REEP3: variants seen among roughly 807,000 people sequenced by gnomAD.
REEP3 encodes receptor accessory protein 3.
REEP3 carries 20 observed loss-of-function variants against 41.3 expected under a neutral mutation model. That is an observed-to-expected ratio of 0.48 (90% CI 0.34 to 0.70). The LOEUF is 0.70. REEP3 is among the 30% of genes least tolerant of loss of function. The probability of loss-of-function intolerance (pLI) is 0.01; values close to 1 mark genes in which losing one functional copy is unlikely to be tolerated. For missense variants in REEP3, 271 were observed against 308.8 expected, an observed-to-expected ratio of 0.88 and a Z score of 0.92; for synonymous variants, 104 against 101.8, an observed-to-expected ratio of 1.02 and a Z score of -0.13.
intron 1 of REEP3, among the ~76,000 whole-genome samples, chr10:63,541,767 A>G (rs913841640): frequency 3.3e-5 from 5 of 152,226 alleles, no homozygotes; most frequent in Admixed American, 6.5e-5. Context: ...GATAATAAAG[A>G]TATCTCAACA....
At chr10:63,557,203 C>T (rs939277932) in intron 1 of REEP3, among the ~76,000 whole-genome samples, 5 of 152,280 alleles carry the variant, frequency 3.3e-5, no homozygotes, top group Admixed American at 6.5e-5. Flanking sequence ...CTAGTTCAAG[C>T]TCGCAGCGTG....
chr10:63,575,907 A>G (rs1183764959), intron 2 of REEP3, among the ~76,000 whole-genome samples: 1 of 151,852 alleles, frequency 6.6e-6, no homozygotes, highest in Non-Finnish European at 1.5e-5. Flanking sequence ...CTAATTTTGT[A>G]TTTTTAGTAG....
chr10:63,585,936 G>A (rs141516828), intron 2 of REEP3, among the ~76,000 whole-genome samples: 1 of 151,940 alleles, frequency 6.6e-6, no homozygotes, highest in Non-Finnish European at 1.5e-5. Context: ...CTTACTTTTT[G>A]TTTGCTTTAT....
At position 63,622,823 on chromosome 10, in the gene REEP3, C is replaced by A. The variant is rs1047600140; in HGVS notation, c.*1954C>A. On this transcript the variant is annotated 3_prime_UTR_variant, in exon 8 of 8. Transcript: ENST00000373758. ...CCGGGTTCGAGCGATTCTCCTGCCT[C>A]GGCCTCCCGAGTAACTGGGTCTACA... 1 of 151,232 alleles carries A rather than the reference C, an allele frequency of 6.6e-6. No individual in the cohort carries two copies. Among genetic ancestry groups the A allele is most frequent in the African/African-American group, 2.4e-5 (1 of 41,220 alleles). The allele number at this position is 151,232 out of a possible 1,614,324, so 9.4% of individuals were successfully genotyped here.
intron 6 of REEP3, among the ~76,000 whole-genome samples, chr10:63,613,863 A>G (rs1051549147): frequency 9.2e-5 from 14 of 152,334 alleles, no homozygotes; most frequent in South Asian, 2.1e-4. Flanking sequence ...ATTAAACTAT[A>G]TAATAGGAAG....
Position 63,565,124 on chromosome 10 carries a change from G to A in REEP3, c.33-1214G>A, listed in dbSNP as rs57966955. ...ATACAAAAAAAATTAGCCGGGCATA[G>A]TGGCACACACCTGTAATCCCAGCTA... On this transcript the variant is annotated intron_variant, in intron 1 of 7. Transcript: ENST00000373758. Among the ~76,000 whole-genome samples the A allele has an allele frequency of 4.0e-3, 612 of 152,276 alleles. 6 individuals are homozygous for A. The highest frequency in any genetic ancestry group is 0.014 in the African/African-American group (590 of 41,568).
At chr10:63,549,756 G>T (rs1955611065) in intron 1 of REEP3, among the ~76,000 whole-genome samples, 1 of 152,130 alleles carries the variant, frequency 6.6e-6, no homozygotes, top group South Asian at 2.1e-4. Flanking sequence ...CTCATTGTTG[G>T]AATGTTAGGG....
intron 2 of REEP3, among the ~76,000 whole-genome samples, chr10:63,585,567 A>G (rs1423720350): frequency 6.6e-6 from 1 of 152,158 alleles, no homozygotes; most frequent in Non-Finnish European, 1.5e-5. Flanking sequence ...CTTGACATCA[A>G]GGTTTATGAC....
At chr10:63,571,777 T>A (rs1470874073) in intron 2 of REEP3, among the ~76,000 whole-genome samples, 1 of 152,234 alleles carries the variant, frequency 6.6e-6, no homozygotes, top group Non-Finnish European at 1.5e-5. Flanking sequence ...TCTTATGAAG[T>A]AGGCATAGAA....
At chr10:63,569,325 A>G (rs1013697558) in intron 2 of REEP3, among the ~76,000 whole-genome samples, 1 of 152,178 alleles carries the variant, frequency 6.6e-6, no homozygotes, top group Non-Finnish European at 1.5e-5. Context: ...GTTGAAGTAC[A>G]GGGTATTATG....
intron 2 of REEP3, among the ~76,000 whole-genome samples, chr10:63,593,220 G>A (rs979868118): frequency 1.3e-5 from 2 of 152,126 alleles, no homozygotes; most frequent in African/African-American, 4.8e-5. Flanking sequence ...ACCCAAACAA[G>A]CATCTGTATT....
At chr10:63,584,753 T>G (rs989615645) in intron 2 of REEP3, among the ~76,000 whole-genome samples, 1 of 152,216 alleles carries the variant, frequency 6.6e-6, no homozygotes, top group African/African-American at 2.4e-5. Context: ...CTCTCTGTTG[T>G]CTCTGAAATG....
chr10:63,603,230 G>GCT, intron 5 of REEP3, among the ~76,000 whole-genome samples: 1 of 144,494 alleles, frequency 6.9e-6, no homozygotes, highest in South Asian at 2.3e-4. Flanking sequence ...GGAGAATGGT[G>GCT]TGAACCCAGG....
intron 2 of REEP3, among the ~76,000 whole-genome samples, chr10:63,573,647 G>A (rs1955872892): frequency 1.3e-5 from 2 of 152,064 alleles, no homozygotes; most frequent in African/African-American, 4.8e-5. Flanking sequence ...CCTAATTTTC[G>A]ACTGACTATT....
intron 1 of REEP3, among the ~76,000 whole-genome samples, chr10:63,528,870 C>T (rs1955391764): frequency 1.3e-5 from 2 of 152,130 alleles, no homozygotes; most frequent in African/African-American, 2.4e-5. Flanking sequence ...TCTCAGTGAC[C>T]CCAGCACTCC....
At chr10:63,524,321 A>G (rs1475404068) in intron 1 of REEP3, among the ~76,000 whole-genome samples, 1 of 152,096 alleles carries the variant, frequency 6.6e-6, no homozygotes, top group Non-Finnish European at 1.5e-5. Context: ...TTCTCTCAAC[A>G]TGAACCTCTG....
At chr10:63,575,106 G>A (rs965770021) in intron 2 of REEP3, among the ~76,000 whole-genome samples, 50 of 152,008 alleles carry the variant, frequency 3.3e-4, no homozygotes, top group Admixed American at 3.0e-3. Context: ...TGCCTGCCAC[G>A]GCCTCCCAAA....
intron 5 of REEP3, chr10:63,599,717 C>A (rs1397868924): frequency 6.1e-6 from 6 of 981,856 alleles, no homozygotes; most frequent in Non-Finnish European, 7.3e-6. Context: ...TTTGAGGTAA[C>A]CGATTATTCA....
At chr10:63,553,670 G>A (rs72837089) in intron 1 of REEP3, among the ~76,000 whole-genome samples, 6,809 of 152,038 alleles carry the variant, frequency 0.045, 240 homozygotes, top group African/African-American at 0.085. Flanking sequence ...CACAGAATAG[G>A]GTAGAATTTG....
Sources: gnomAD v4.1 joint callset for allele counts (sites outside exome capture counted in the v4.1 genomes callset) on GRCh38, gnomAD v4.1.1 for gene constraint, MANE v1.5 for transcripts, NCBI Gene and HGNC (gene_info 2026-07-23, HGNC 2026-07-21) for gene names.